Variants in UBE2F observed in about 807,000 individuals in gnomAD.
UBE2F encodes the protein NEDD8-conjugating enzyme UBE2F.
Under a neutral mutation model 29.6 loss-of-function variants are expected in UBE2F, and 5 were observed. The ratio of observed to expected loss-of-function variants is 0.17; its 90% confidence interval spans 0.09 to 0.36. UBE2F has a LOEUF of 0.36. UBE2F is among the 10% of genes least tolerant of loss of function. The pLI is 1.00. For synonymous variants in UBE2F, 66 were observed against 81.8 expected (o/e 0.81, Z 1.04); for missense variants, 141 against 228.5 (o/e 0.62, Z 2.47).
chr2:238,030,653 G>A, intron 7 of UBE2F, 40 bp downstream of exon 7: 1 of 1,535,102 alleles, frequency 6.5e-7, no homozygotes, highest in Non-Finnish European at 9.0e-7. Context: ...AGTTGTCCCT[G>A]TGGTCCTCTC....
intron 2 of UBE2F, chr2:237,973,742 A>G (rs982521425): frequency 1.6e-6 from 2 of 1,256,346 alleles, no homozygotes; most frequent in African/African-American, 1.5e-5. Context: ...TCTGCTATCC[A>G]TGTTGGTGAG....
Position 237,967,524 on chromosome 2 carries a change from C to T in UBE2F, c.-17+392C>T, listed in dbSNP as rs1013651039. Among the ~76,000 whole-genome samples the T allele has an allele frequency of 2.0e-5, 3 of 152,088 alleles. No individual in the cohort carries two copies. The highest frequency in any genetic ancestry group is 4.4e-5 in the Non-Finnish European group (3 of 67,990). On this transcript the variant is annotated intron_variant, in intron 1 of 9. Transcript: ENST00000272930. This position sits in a 1 kb window ranked among gnomAD's most constrained non-coding sequence, Gnocchi z 6.3. ...CGCGGGATCGGCTGCCTGCCTTGTACGGAGGAAGCGGGGCGTCCAGCGCCT... is the reference window on the plus strand; with the variant it reads ...CGCGGGATCGGCTGCCTGCCTTGTATGGAGGAAGCGGGGCGTCCAGCGCCT...
At chr2:238,025,469 G>A (rs2064404115) in intron 6 of UBE2F, 57 bp downstream of exon 6, 2 of 1,475,376 alleles carry the variant, frequency 1.4e-6, no homozygotes, top group Non-Finnish European at 1.9e-6. Context: ...GCAAGCGTTG[G>A]GCTTTTAAAC....
chr2:238,038,222 G>T (rs112113937), intron 9 of UBE2F, among the ~76,000 whole-genome samples: 1 of 152,216 alleles, frequency 6.6e-6, no homozygotes, highest in Non-Finnish European at 1.5e-5. Flanking sequence ...GGCAGAGCAG[G>T]CCATCTTCTG....
At chr2:238,006,517 A>C (rs2063910312) in intron 4 of UBE2F, among the ~76,000 whole-genome samples, 1 of 152,142 alleles carries the variant, frequency 6.6e-6, no homozygotes, top group Admixed American at 6.5e-5. Context: ...TTGTATAGTG[A>C]CCTTGTGTCC....
Position 238,030,633 on chromosome 2 carries a change from C to A in UBE2F, c.411+20C>A. On this transcript the variant is annotated intron_variant, in intron 7 of 9. Transcript: ENST00000272930. Reference sequence around the variant, plus strand: ...TTAAAGGTAGAGTCTGTGCCTTGATCTTGATCATAAGTTGTCCCTGTGGTC... The same window carrying A: ...TTAAAGGTAGAGTCTGTGCCTTGATATTGATCATAAGTTGTCCCTGTGGTC... 6.2e-7 allele frequency: 1 copy of A among 1,603,808 alleles called. No individual in the cohort carries two copies. Among genetic ancestry groups the A allele is most frequent in the Non-Finnish European group, 8.5e-7 (1 of 1,171,166 alleles).
At chr2:238,038,463 C>T (rs1245052936) in intron 9 of UBE2F, among the ~76,000 whole-genome samples, 2 of 152,240 alleles carry the variant, frequency 1.3e-5, no homozygotes, top group Non-Finnish European at 2.9e-5. Context: ...CCCCTTGGCC[C>T]ACCCCTTGCA....
At chr2:238,023,166 A>G (rs1168825323) in intron 5 of UBE2F, among the ~76,000 whole-genome samples, 1 of 152,164 alleles carries the variant, frequency 6.6e-6, no homozygotes, top group Non-Finnish European at 1.5e-5. Context: ...TTGGCCTAGC[A>G]CTAGCCTGCC....
chr2:237,987,870 A>AT, intron 2 of UBE2F, 93 bp from the exon 3 acceptor site: 1 of 393,042 alleles, frequency 2.5e-6, no homozygotes, highest in Non-Finnish European at 4.1e-6. Flanking sequence ...TTTTTTTTTG[A>AT]TTCAGTGTTC....
intron 4 of UBE2F, among the ~76,000 whole-genome samples, chr2:238,014,645 G>A (rs1453748367): frequency 6.6e-6 from 1 of 152,206 alleles, no homozygotes; most frequent in African/African-American, 2.4e-5. Context: ...AAAGGAAAAG[G>A]ACAGCGCGGG....
chr2:238,013,088 G>A (rs1053709630), intron 4 of UBE2F, among the ~76,000 whole-genome samples: 5 of 152,056 alleles, frequency 3.3e-5, no homozygotes, highest in Admixed American at 2.0e-4. Flanking sequence ...ACCAGCGTGG[G>A]CAGCATGGTG....
chr2:238,039,913 C>T (rs1217243720), intron 9 of UBE2F, among the ~76,000 whole-genome samples: 3 of 152,138 alleles, frequency 2.0e-5, no homozygotes, highest in Non-Finnish European at 4.4e-5. Flanking sequence ...TGTGAGCTGC[C>T]AGTATTGTCT....
chr2:237,999,813 T>C (rs992561851), intron 4 of UBE2F, among the ~76,000 whole-genome samples: 8 of 117,232 alleles, frequency 6.8e-5, no homozygotes, highest in Non-Finnish European at 1.7e-5. Context: ...AGTATTTTGA[T>C]GTTGTTCTTT....
At chr2:237,980,275 C>A (rs541017873) in intron 2 of UBE2F, among the ~76,000 whole-genome samples, 26 of 152,148 alleles carry the variant, frequency 1.7e-4, no homozygotes, top group Non-Finnish European at 3.4e-4. Flanking sequence ...TTGTCTTTGT[C>A]AGCTTGGGCT....
At chr2:237,991,315 TTTAA>T (rs2063581508) in intron 3 of UBE2F, among the ~76,000 whole-genome samples, 1 of 152,332 alleles carries the variant, frequency 6.6e-6, no homozygotes, top group African/African-American at 2.4e-5. Context: ...TTACTATCTA[TTTAA>T]TTATCTTTCT....
At chr2:238,032,658 A>G (rs910567787) in intron 8 of UBE2F, 3 of 175,094 alleles carry the variant, frequency 1.7e-5, no homozygotes, top group African/African-American at 2.4e-5. Context: ...CTGGCTGGGC[A>G]TGGTGGCTCA....
chr2:238,038,757 G>A (rs149486115), intron 9 of UBE2F, among the ~76,000 whole-genome samples: 7 of 152,316 alleles, frequency 4.6e-5, no homozygotes, highest in Non-Finnish European at 8.8e-5. Flanking sequence ...CCCCATCCCC[G>A]TCTCCGTGCG....
chr2:237,994,659 A>G, intron 3 of UBE2F, 85 bp from the exon 4 acceptor site: 4 of 1,076,636 alleles, frequency 3.7e-6, no homozygotes, highest in Non-Finnish European at 5.7e-6. Flanking sequence ...TAGCACCGCT[A>G]ACTTTACACG....
intron 5 of UBE2F, among the ~76,000 whole-genome samples, chr2:238,019,318 T>C (rs953691583): frequency 6.6e-6 from 1 of 152,174 alleles, no homozygotes; most frequent in African/African-American, 2.4e-5. Context: ...GCATGAACCA[T>C]GTTCCTACCC....
Sources: gnomAD v4.1 joint callset for allele counts (sites outside exome capture counted in the v4.1 genomes callset) on GRCh38, gnomAD v4.1.1 for gene constraint, Gnocchi (gnomAD v3.1) non-coding constraint, MANE v1.5 for transcripts, NCBI Gene and HGNC (gene_info 2026-07-23, HGNC 2026-07-21) for gene names.